The following TUSC3 variants were observed in gnomAD, a reference collection of about 807,000 sequenced individuals.
TUSC3 encodes dolichyl-diphosphooligosaccharide--protein glycosyltransferase subunit TUSC3.
TUSC3 carries 45 observed loss-of-function variants against 44.8 expected under a neutral mutation model. The ratio of observed to expected loss-of-function variants is 1.00; its 90% CI spans 0.79 to 1.29. The LOEUF (loss-of-function observed/expected upper bound fraction) is 1.29. Ranked by LOEUF, TUSC3 falls within the 50% of genes most tolerant of loss-of-function variation. TUSC3 has a pLI of 0.00. For missense variants in TUSC3, 519 were observed against 437.9 expected, an observed-to-expected ratio of 1.19 and a Z score of -1.65; for synonymous variants, 212 against 152.9, an observed-to-expected ratio of 1.39 and a Z score of -2.85.
At chr8:15,561,261 C>T (rs1487688282) in intron 1 of TUSC3, among the ~76,000 whole-genome samples, 2 of 146,848 alleles carry the variant, frequency 1.4e-5, no homozygotes, top group Non-Finnish European at 3.0e-5. Context: ...GAATACCCTG[C>T]AGTGTGAGGT....
intron 1 of TUSC3, among the ~76,000 whole-genome samples, chr8:15,585,816 A>T (rs1032464044): frequency 6.6e-6 from 1 of 152,092 alleles, no homozygotes; most frequent in African/African-American, 2.4e-5. Flanking sequence ...AAAAGATTCA[A>T]CGGAGGACCC....
At chr8:15,436,834 A>T (rs941039028) in intron 1 of TUSC3, among the ~76,000 whole-genome samples, 1 of 152,206 alleles carries the variant, frequency 6.6e-6, no homozygotes, top group Non-Finnish European at 1.5e-5. Flanking sequence ...AAGCCTGTGT[A>T]TAGGAAGAGG....
At chr8:15,467,903 C>A (rs1800435081) in intron 1 of TUSC3, among the ~76,000 whole-genome samples, 1 of 151,960 alleles carries the variant, frequency 6.6e-6, no homozygotes, top group African/African-American at 2.4e-5. Context: ...TATAACTCTC[C>A]CATAAAATAA....
the TUSC3 span, among the ~76,000 whole-genome samples, chr8:15,775,461 G>C: frequency 1.3e-5 from 2 of 151,796 alleles, no homozygotes; most frequent in Non-Finnish European, 2.9e-5. Flanking sequence ...TATGCTACCT[G>C]CATTTTATCA....
intron 1 of TUSC3, among the ~76,000 whole-genome samples, chr8:15,582,415 G>T (rs1438944190): frequency 6.6e-6 from 1 of 152,114 alleles, no homozygotes; most frequent in African/African-American, 2.4e-5. Flanking sequence ...TACTGTTATT[G>T]GAAATGGAAG....
intron 2 of TUSC3, among the ~76,000 whole-genome samples, chr8:15,504,613 ATATATATATTTTTTTTT>A (rs1224454835): frequency 2.4e-4 from 5 of 20,744 alleles, no homozygotes; most frequent in African/African-American, 1.2e-3. Flanking sequence ...ATATATATAT[ATATATATATTTTTTTTT>A]TTTTTTTTTT....
intron 8 of TUSC3, among the ~76,000 whole-genome samples, chr8:15,744,415 C>T (rs764620132): frequency 6.6e-6 from 1 of 152,116 alleles, no homozygotes; most frequent in Non-Finnish European, 1.5e-5. Flanking sequence ...TTTGATATGT[C>T]CACAGACCTG....
chr8:15,710,085 G>A (rs776352093), intron 6 of TUSC3, among the ~76,000 whole-genome samples: 10 of 151,600 alleles, frequency 6.6e-5, no homozygotes, highest in Non-Finnish European at 1.5e-4. Flanking sequence ...ACCTTAGTGC[G>A]CTCCCCTCCC....
chr8:15,550,355 G>A (rs17657824), intron 1 of TUSC3, among the ~76,000 whole-genome samples: 1 of 151,688 alleles, frequency 6.6e-6, no homozygotes, highest in African/African-American at 2.4e-5. Flanking sequence ...TGCATGCTTA[G>A]ATGTTGGACA....
chr8:15,703,250 T>G lies in TUSC3; in HGVS notation c.799-27416T>G, dbSNP rs554509815. On this transcript the variant is annotated intron_variant, in intron 6 of 10. Transcript: ENST00000503731. Reference sequence around the variant, plus strand: ...TATAAACTTTAAAGAGATATGTAACTTGAGCCTAATTAATTATAGATTATA... The same window carrying G: ...TATAAACTTTAAAGAGATATGTAACGTGAGCCTAATTAATTATAGATTATA... Among the ~76,000 whole-genome samples, 3 of 152,222 alleles carry G rather than the reference T, an allele frequency of 2.0e-5. No homozygotes were observed. In the South Asian group the frequency reaches 6.2e-4, roughly 32 times the overall value.
In TUSC3 at chr8:15,482,888, C is replaced by G. The variant is rs1057081134; in HGVS notation, n.92-498C>G. Among the ~76,000 whole-genome samples, 6 of 152,164 alleles carry G rather than the reference C, an allele frequency of 3.9e-5. No individual in the cohort carries two copies. In the East Asian group the frequency reaches 7.7e-4, roughly 20 times the overall value. On this transcript the variant is annotated intron_variant and non_coding_transcript_variant, in intron 1 of 5. Transcript: ENST00000503191. ...CACCTTTTTACATTTTCTCATGTGT[C>G]CCAGAATTAGTATATTTATTACACA... is the stretch of plus-strand genomic sequence containing the variant.
rs960853677 is a variant in TUSC3, at chr8:15,462,609, C to G, written n.92-20777C>G. 1.2e-4 allele frequency among the ~76,000 whole-genome samples: 18 copies of G among 152,114 alleles called. 1 individual carries two copies. The highest frequency in any genetic ancestry group is 4.3e-4 in the African/African-American group (18 of 41,448). On this transcript the variant is annotated intron_variant and non_coding_transcript_variant, in intron 1 of 5. Transcript: ENST00000503191. ...GCACTATTTTGCAAAGAAGCTAACT[C>G]TATGTTTAAACCAAGATGGTAGATC...
intron 10 of TUSC3, among the ~76,000 whole-genome samples, chr8:15,760,748 A>C (rs918392438): frequency 6.6e-6 from 1 of 152,188 alleles, no homozygotes; most frequent in Non-Finnish European, 1.5e-5. Context: ...CATGGCCCAC[A>C]AAGTTTAAAA....
At chr8:15,572,414 G>C (rs1354636947) in intron 1 of TUSC3, among the ~76,000 whole-genome samples, 1 of 152,096 alleles carries the variant, frequency 6.6e-6, no homozygotes, top group Non-Finnish European at 1.5e-5. Context: ...TCTGAATTAG[G>C]CTTGGTTTAA....
chr8:15,432,801 G>C (rs1252564629), intron 1 of TUSC3, among the ~76,000 whole-genome samples: 2 of 151,950 alleles, frequency 1.3e-5, no homozygotes, highest in Non-Finnish European at 2.9e-5. Flanking sequence ...TTAAAGTTCT[G>C]TTTTTTGCTT....
At chr8:15,636,087 A>G (rs868636991) in intron 2 of TUSC3, among the ~76,000 whole-genome samples, 1 of 152,336 alleles carries the variant, frequency 6.6e-6, no homozygotes, top group Middle Eastern at 3.4e-3. Flanking sequence ...GGTCTTGGTC[A>G]GGACTATGAG....
At chr8:15,515,964 G>T (rs924520390) in intron 2 of TUSC3, among the ~76,000 whole-genome samples, 1 of 151,986 alleles carries the variant, frequency 6.6e-6, no homozygotes, top group East Asian at 1.9e-4. Flanking sequence ...CCACCATGCC[G>T]GGCCCCAAAA....
At chr8:15,424,704 C>A (rs538121243) in intron 1 of TUSC3, among the ~76,000 whole-genome samples, 3 of 152,032 alleles carry the variant, frequency 2.0e-5, no homozygotes, top group Non-Finnish European at 4.4e-5. Flanking sequence ...CACGGTGAAA[C>A]CCCGTCTCTA....
At chr8:15,836,364 G>C in the TUSC3 span, among the ~76,000 whole-genome samples, 1 of 150,938 alleles carries the variant, frequency 6.6e-6, no homozygotes, top group Non-Finnish European at 1.5e-5. Flanking sequence ...TGTAATCCCA[G>C]CTACTCGGAT....
Sources: allele counts gnomAD v4.1 joint callset (sites outside exome capture counted in the v4.1 genomes callset), GRCh38; gene constraint gnomAD v4.1.1; transcripts MANE v1.5; gene names NCBI Gene and HGNC (gene_info 2026-07-23, HGNC 2026-07-21).